Variants in SCLT1 observed in about 807,000 individuals in gnomAD.
The protein encoded by SCLT1 is sodium channel and clathrin linker 1, also known as sodium channel-associated protein 1.
In SCLT1, 78 loss-of-function variants were observed where a neutral mutation model predicts 112.8. The observed-to-expected ratio is 0.69, with a 90% confidence interval of 0.58 to 0.83. The LOEUF is 0.83. Ranked by LOEUF, SCLT1 falls within the 40% of genes least tolerant of loss-of-function variation. SCLT1 has a pLI of 0.00. For missense variants in SCLT1, 747 were observed against 770.4 expected (o/e 0.97, Z 0.36); for synonymous variants, 257 against 254.7 (o/e 1.01, Z -0.09).
chr4:128,984,200 G>A (rs1741903462), intron 9 of SCLT1, among the ~76,000 whole-genome samples: 1 of 152,130 alleles, frequency 6.6e-6, no homozygotes, highest in South Asian at 2.1e-4. Context: ...AGGCCCTAAT[G>A]TCCACACTAA....
chr4:128,959,916 C>T (rs1156990516), intron 11 of SCLT1, 139 bp from the exon 12 acceptor site: 3 of 656,756 alleles, frequency 4.6e-6, no homozygotes, highest in Admixed American at 5.8e-5. Flanking sequence ...ATACTCATTA[C>T]CCTTCTATAA....
intron 5 of SCLT1, among the ~76,000 whole-genome samples, chr4:129,007,837 T>C (rs1744167073): frequency 6.6e-6 from 1 of 152,204 alleles, no homozygotes; most frequent in Non-Finnish European, 1.5e-5. Context: ...TTCTTTCTTA[T>C]TAACTGGAAT....
intron 17 of SCLT1, among the ~76,000 whole-genome samples, chr4:128,942,014 T>A (rs981145080): frequency 2.0e-5 from 3 of 152,112 alleles, no homozygotes; most frequent in East Asian, 1.9e-4. Context: ...ATTATTCTTA[T>A]GTTGATAACA....
At chr4:128,876,923 C>T (rs1732535136) in intron 3 of SCLT1, among the ~76,000 whole-genome samples, 1 of 152,246 alleles carries the variant, frequency 6.6e-6, no homozygotes, top group African/African-American at 2.4e-5. Context: ...CTGTGTATTA[C>T]ATTTAATATT....
At chr4:128,899,196 C>T (rs1245089865) in intron 18 of SCLT1, among the ~76,000 whole-genome samples, 2 of 152,168 alleles carry the variant, frequency 1.3e-5, no homozygotes, top group East Asian at 3.9e-4. Context: ...CATCCTGATA[C>T]CAAAGCCTGG....
In SCLT1 at chr4:128,936,533, C is replaced by T. The variant is rs571366777; in HGVS notation, c.1829+122G>A. On this transcript the variant is annotated intron_variant, in intron 18 of 20. Transcript: ENST00000281142. ...TTTATAGTAGTTTCATAAATATTTACTGAAGAAAAAGGTAAGGTCCAGAAT... is the reference window on the plus strand; with the variant it reads ...TTTATAGTAGTTTCATAAATATTTATTGAAGAAAAAGGTAAGGTCCAGAAT... The T allele has an allele frequency of 9.4e-4, 483 of 511,528 alleles. 1 individual carries two copies. The highest frequency in any genetic ancestry group is 3.0e-3 in the Middle Eastern group (6 of 2,014). 31.7% of individuals were successfully genotyped at this position (511,528 alleles called of 1,614,324 possible).
intron 18 of SCLT1, among the ~76,000 whole-genome samples, chr4:128,892,149 GTCT>G (rs1236289786): frequency 6.6e-5 from 10 of 152,272 alleles, no homozygotes; most frequent in African/African-American, 1.4e-4. Context: ...GCACAGAACT[GTCT>G]TCTTCTTCTT....
chr4:128,928,269 GT>G lies in SCLT1; in HGVS notation c.1829+8385del, dbSNP rs1736461179. ...AAAAAGAAGGGCTACTCTCCAATTT[GT>G]TTTTGAGGCTAACATAACTGATATA... On this transcript the variant is annotated intron_variant, in intron 18 of 20. Coordinates refer to ENST00000281142, the MANE Select transcript of SCLT1 (RefSeq NM_144643.4). Among the ~76,000 whole-genome samples, 24 of 152,128 alleles carry G rather than the reference GT, an allele frequency of 1.6e-4. No homozygotes were observed. The South Asian group carries it at 4.8e-3, about 30-fold the overall frequency.
At chr4:129,043,666 T>C (rs1747911424) in intron 3 of SCLT1, among the ~76,000 whole-genome samples, 199 bp from the exon 4 acceptor site, 1 of 152,212 alleles carries the variant, frequency 6.6e-6, no homozygotes, top group Admixed American at 6.5e-5. Context: ...TGTTGTGGGA[T>C]GGCTAGACTG....
intron 9 of SCLT1, among the ~76,000 whole-genome samples, chr4:128,989,720 C>CA (rs201695713): frequency 6.6e-4 from 96 of 145,600 alleles, no homozygotes; most frequent in South Asian, 3.5e-3. Flanking sequence ...TTAGCCAATC[C>CA]AAAAAAAAAT....
At chr4:129,016,492 T>G (rs2126113782) in intron 5 of SCLT1, among the ~76,000 whole-genome samples, 1 of 152,350 alleles carries the variant, frequency 6.6e-6, no homozygotes, top group African/African-American at 2.4e-5. Flanking sequence ...CTATTATTTC[T>G]AATGATTCTT....
At chr4:128,959,882 C>G in intron 11 of SCLT1, 105 bp from the exon 12 acceptor site, 1 of 814,500 alleles carries the variant, frequency 1.2e-6, no homozygotes, top group Non-Finnish European at 2.0e-6. Context: ...GTAACTTTCA[C>G]ATGTATTAAT....
At chr4:128,954,482 T>A (rs971841207) in intron 13 of SCLT1, among the ~76,000 whole-genome samples, 2 of 151,890 alleles carry the variant, frequency 1.3e-5, no homozygotes, top group Non-Finnish European at 1.5e-5. Context: ...TCCAGCTAAT[T>A]TTTTGTATTT....
intron 18 of SCLT1, among the ~76,000 whole-genome samples, chr4:128,927,062 T>C (rs1378090654): frequency 6.6e-6 from 1 of 151,624 alleles, no homozygotes; most frequent in Non-Finnish European, 1.5e-5. Flanking sequence ...AAGTAGAAAG[T>C]ACTAAATAAT....
intron 5 of SCLT1, among the ~76,000 whole-genome samples, chr4:129,033,509 A>T (rs1746927511): frequency 6.7e-6 from 1 of 148,286 alleles, no homozygotes; most frequent in Non-Finnish European, 1.5e-5. Context: ...AAGTAAAAAA[A>T]AAAAAAAAAA....
intron 2 of SCLT1, among the ~76,000 whole-genome samples, chr4:129,048,995 G>GC (rs1748478752): frequency 6.6e-6 from 1 of 151,736 alleles, no homozygotes; most frequent in Admixed American, 6.6e-5. Flanking sequence ...TGCTGGAGAG[G>GC]ATGTGGAGAA....
intron 2 of SCLT1, among the ~76,000 whole-genome samples, chr4:129,060,602 A>G (rs1749875816): frequency 6.6e-6 from 1 of 152,152 alleles, no homozygotes; most frequent in Non-Finnish European, 1.5e-5. Flanking sequence ...AATTAATGTC[A>G]GCAGTAACTG....
At chr4:129,074,786 C>T (rs1039429548) in intron 2 of SCLT1, among the ~76,000 whole-genome samples, 2 of 152,186 alleles carry the variant, frequency 1.3e-5, no homozygotes, top group Non-Finnish European at 2.9e-5. Flanking sequence ...ACTCCAGCCT[C>T]GAATTTCTGG....
rs528905688 is a variant in SCLT1 at position 129,053,557 on chromosome 4, A to ATTTTTTTTTTTTTTTTTTTTTTTTTTT, written c.103-9533_103-9507dup. On this transcript the variant is annotated intron_variant, in intron 2 of 20. Coordinates refer to ENST00000281142, the MANE Select transcript of SCLT1 (RefSeq NM_144643.4). ...TTAGAGACTAGGATTGCAATCCCTG[A>ATTTTTTTTTTTTTTTTTTTTTTTTTTT]TTTTTTTTTTTTTTTTTTTTTTTTT... Among the ~76,000 whole-genome samples, 6 of 45,236 alleles carry ATTTTTTTTTTTTTTTTTTTTTTTTTTT rather than the reference A, an allele frequency of 1.3e-4. 1 individual carries two copies. The highest frequency in any genetic ancestry group is 1.9e-4 in the Non-Finnish European group (5 of 25,852). 29.7% of individuals were successfully genotyped at this position (45,236 alleles called of 152,430 possible).
Sources: gnomAD v4.1 joint callset for allele counts (sites outside exome capture counted in the v4.1 genomes callset) on GRCh38, gnomAD v4.1.1 for gene constraint, MANE v1.5 for transcripts, NCBI Gene and HGNC (gene_info 2026-07-23, HGNC 2026-07-21) for gene names.